DMD: variants seen among roughly 807,000 people sequenced by gnomAD.
The protein encoded by DMD is dystrophin.
Under a neutral mutation model 330.1 loss-of-function variants are expected in DMD, and 63 were observed. The observed-to-expected ratio is 0.19, with a 90% confidence interval of 0.16 to 0.24. DMD has a LOEUF of 0.24. DMD is among the 10% of genes least tolerant of loss of function. The pLI is 1.00. For synonymous variants in DMD, 1,223 were observed against 959.8 expected (o/e 1.27, Z -5.07); for missense variants, 3,344 against 2,684.1 (o/e 1.25, Z -5.43).
chrX:32,845,930 T>TA (rs747008786), intron 3 of DMD, among the ~76,000 whole-genome samples: 7 of 112,322 alleles, frequency 6.2e-5, no homozygotes, highest in African/African-American at 2.3e-4. Flanking sequence ...TACTTTCTTC[T>TA]CTGCATTTGA....
chrX:32,821,026 C>T (rs2078198963), intron 5 of DMD, among the ~76,000 whole-genome samples: 1 of 110,999 alleles, frequency 9.0e-6, no homozygotes, highest in African/African-American at 3.3e-5. Context: ...GACACCATCA[C>T]TATATGGAAC....
chrX:31,819,489 T>C (rs1180353619), intron 50 of DMD, among the ~76,000 whole-genome samples: 1 of 112,578 alleles, frequency 8.9e-6, no homozygotes, highest in Non-Finnish European at 1.9e-5. Context: ...TTGTTAATGG[T>C]GTTCCTTACT....
intron 44 of DMD, among the ~76,000 whole-genome samples, chrX:32,020,557 C>T (rs1488735668): frequency 1.1e-4 from 12 of 111,502 alleles, no homozygotes; most frequent in Non-Finnish European, 2.3e-4. Context: ...AAAGGAAGAA[C>T]AGCTACAAGG....
intron 2 of DMD, among the ~76,000 whole-genome samples, chrX:32,878,242 G>C (rs189091082): frequency 9.0e-6 from 1 of 110,662 alleles, no homozygotes; most frequent in Non-Finnish European, 1.9e-5. Flanking sequence ...GCCGGGTGTA[G>C]TGGCGGGCGC....
Position 32,725,512 on chromosome X carries a change from G to T in DMD, c.650-26219C>A, listed in dbSNP as rs1036187422. On this transcript the variant is annotated intron_variant, in intron 7 of 78. Coordinates refer to ENST00000357033, the MANE Select transcript of DMD (RefSeq NM_004006.3). ...GGCTGTACTTTTTTCAGACAGAACA[G>T]ATTTCAAGACAAAAACAAAGAGTCA... is the stretch of plus-strand genomic sequence containing the variant. Among the ~76,000 whole-genome samples, 31 of 110,660 alleles carry T rather than the reference G, an allele frequency of 2.8e-4. 1 individual carries two copies. Among genetic ancestry groups the T allele is most frequent in the Admixed American group, 2.7e-3 (28 of 10,300 alleles).
chrX:33,041,638 T>C (rs879037727), intron 1 of DMD: 9 of 1,207,302 alleles, frequency 7.5e-6, no homozygotes, highest in African/African-American at 3.5e-5. Flanking sequence ...TCAACAGATA[T>C]TAGAAAGTGA....
chrX:31,639,975 G>A (rs1018825835), intron 54 of DMD, among the ~76,000 whole-genome samples: 1 of 111,109 alleles, frequency 9.0e-6, no homozygotes, highest in Non-Finnish European at 1.9e-5. Context: ...AGGAGAGAAT[G>A]AGGATGTGTC....
rs766461456 is a variant in DMD at position 32,246,706 on chromosome X, C to T, written c.6291-29643G>A. 7.7e-5 allele frequency among the ~76,000 whole-genome samples: 8 copies of T among 103,267 alleles called. No homozygotes were observed. The East Asian group carries it at 9.1e-4, about 12-fold the overall frequency. 89.7% of individuals were successfully genotyped at this position (103,267 alleles called of 115,157 possible). On this transcript the variant is annotated intron_variant, in intron 43 of 78. Transcript: ENST00000357033. ...TTTAGTCTTGGGAGAGTGTATGTGT[C>T]GAGGAATGTATCCATTTCTTCTAGA...
intron 1 of DMD, among the ~76,000 whole-genome samples, chrX:33,309,140 A>C (rs73461922): frequency 0.025 from 2,811 of 111,392 alleles, 78 homozygotes; most frequent in African/African-American, 0.086. Context: ...TCTTTTAGGG[A>C]AATTGTTCTG....
rs12011764 is a variant in DMD at position 31,174,822 on chromosome X, C to T, written c.10263-1218G>A. Reference sequence around the variant, plus strand: ...ACTACAGTAAGATAATTACGACACACTATAGCAAATAACTAGGGAAATGGA... The same window carrying T: ...ACTACAGTAAGATAATTACGACACATTATAGCAAATAACTAGGGAAATGGA... On this transcript the variant is annotated intron_variant, in intron 71 of 78. Coordinates refer to ENST00000357033, the MANE Select transcript of DMD (RefSeq NM_004006.3). Among the ~76,000 whole-genome samples, 434 of 111,901 alleles carry T rather than the reference C, an allele frequency of 3.9e-3. 3 individuals carry two copies. The highest frequency in any genetic ancestry group is 0.012 in the African/African-American group (384 of 30,974).
intron 44 of DMD, among the ~76,000 whole-genome samples, chrX:32,034,029 T>TA (rs1379047107): frequency 9.0e-6 from 1 of 111,498 alleles, no homozygotes; most frequent in Non-Finnish European, 1.9e-5. Context: ...GCATAGCTCT[T>TA]ACAGCTGGGA....
At chrX:31,314,051 T>C (rs1260321886) in intron 62 of DMD, among the ~76,000 whole-genome samples, 1 of 111,521 alleles carries the variant, frequency 9.0e-6, no homozygotes, top group African/African-American at 3.3e-5. Flanking sequence ...CCCAGGCTGG[T>C]CTTGAACTGC....
intron 7 of DMD, among the ~76,000 whole-genome samples, chrX:32,786,739 C>A (rs759126751): frequency 9.0e-6 from 1 of 111,685 alleles, no homozygotes; most frequent in African/African-American, 3.2e-5. Flanking sequence ...GAATATTCTG[C>A]CATAAGATTA....
intron 2 of DMD, among the ~76,000 whole-genome samples, chrX:32,870,980 A>AAAAAAAAAAAAAAAAAAAAAAAAAAAG (rs770375159): frequency 5.4e-5 from 2 of 37,242 alleles, no homozygotes; most frequent in Non-Finnish European, 1.1e-4. Flanking sequence ...AAAAAAAAAA[A>AAAAAAAAAAAAAAAAAAAAAAAAAAAG]AAAAAAAACC....
At chrX:31,543,733 G>A (rs2073984628) in intron 55 of DMD, among the ~76,000 whole-genome samples, 1 of 111,798 alleles carries the variant, frequency 8.9e-6, no homozygotes, top group African/African-American at 3.2e-5. Context: ...TGACAGATAA[G>A]ATATGAGAGT....
chrX:33,297,164 C>G (rs1306649075), intron 1 of DMD, among the ~76,000 whole-genome samples: 2 of 111,338 alleles, frequency 1.8e-5, no homozygotes, highest in Non-Finnish European at 3.8e-5. Context: ...AATGTACACA[C>G]ACACATTAGT....
chrX:31,239,275 G>C (rs181281440), intron 63 of DMD, among the ~76,000 whole-genome samples: 9 of 112,012 alleles, frequency 8.0e-5, no homozygotes, highest in Non-Finnish European at 1.3e-4. Context: ...TGGGCAACCA[G>C]GAATTAAATA....
intron 33 of DMD, among the ~76,000 whole-genome samples, chrX:32,382,497 T>C (rs2097931155): frequency 1.8e-5 from 2 of 111,697 alleles, no homozygotes; most frequent in South Asian, 7.3e-4. Flanking sequence ...GGAACCTTGA[T>C]AACAATTCCA....
chrX:31,755,491 G>A (rs1217805162), intron 51 of DMD, among the ~76,000 whole-genome samples: 1 of 111,648 alleles, frequency 9.0e-6, no homozygotes, highest in African/African-American at 3.3e-5. Flanking sequence ...GACAACACCT[G>A]AGAGTGAGGG....
Sources: allele counts gnomAD v4.1 joint callset (sites outside exome capture counted in the v4.1 genomes callset), GRCh38; gene constraint gnomAD v4.1.1; transcripts MANE v1.5; gene names NCBI Gene and HGNC (gene_info 2026-07-23, HGNC 2026-07-21).